The following NAA11 variants were observed in gnomAD, a reference collection of about 807,000 sequenced individuals.
The protein encoded by NAA11 is N-alpha-acetyltransferase 11, NatA catalytic subunit.
In NAA11, 15 loss-of-function variants were observed where a neutral mutation model predicts 16.1. The observed-to-expected ratio is 0.93, with a 90% CI of 0.62 to 1.44. The LOEUF is 1.44. Ranked by LOEUF, NAA11 falls within the 40% of genes most tolerant of loss-of-function variation. The pLI is 0.00. For synonymous variants in NAA11, 122 were observed against 112.4 expected (o/e 1.09, Z -0.54); for missense variants, 298 against 291.3 (o/e 1.02, Z -0.17).
Position 79,325,532 on chromosome 4 carries a change from G to A in NAA11, c.346C>T (p.Arg116Trp), listed in dbSNP as rs1724245603. 3 of 1,614,014 alleles carry A rather than the reference G, an allele frequency of 1.9e-6. No homozygotes were observed. Among genetic ancestry groups the A allele is most frequent in the African/African-American group, 1.3e-5 (1 of 74,920 alleles). Residue 116 changes from arginine to tryptophan, a missense_variant, in exon 1 of 2, where the codon CGG (arginine) becomes TGG (tryptophan). By Grantham distance (101) the Arg-to-Trp change is moderately radical. Transcript: ENST00000286794. ...YVSLHVRKSN[R>W]PALHLYSNTL... ...TTAGAATAAAGGTGCAAGGCTGGCC[G>A]GTTACTCTTCCTGACGTGCAGAGAC...
At chr4:79,314,005 G>A (rs1469535360), downstream of NAA11, among the ~76,000 whole-genome samples, 1 of 152,116 alleles carries the variant, frequency 6.6e-6, no homozygotes, top group Non-Finnish European at 1.5e-5. Context: ...GGCTTGTGCT[G>A]TATACTGCCA....
At chr4:79,265,331 G>A (rs951077096) in intron 2 of NAA11, among the ~76,000 whole-genome samples, 5 of 152,108 alleles carry the variant, frequency 3.3e-5, no homozygotes, top group African/African-American at 4.8e-5. Flanking sequence ...CCTGCAATCT[G>A]TTCACCACAC....
At chr4:79,217,216 G>T in the NAA11 span, among the ~76,000 whole-genome samples, 1 of 152,198 alleles carries the variant, frequency 6.6e-6, no homozygotes, top group African/African-American at 2.4e-5. Flanking sequence ...TTGGGATGCA[G>T]ATCAACTTGT....
chr4:79,184,234 A>C, the NAA11 span, among the ~76,000 whole-genome samples: 1 of 152,234 alleles, frequency 6.6e-6, no homozygotes, highest in Non-Finnish European at 1.5e-5. Flanking sequence ...TGAACCTTGT[A>C]ATGATTTCTT....
intron 2 of NAA11, among the ~76,000 whole-genome samples, chr4:79,228,871 CAT>C (rs1404873608): frequency 1.3e-5 from 2 of 151,974 alleles, no homozygotes; most frequent in African/African-American, 4.8e-5. Context: ...TTTGTTCAAA[CAT>C]GTGAAAAACG....
At chr4:79,248,049 G>A (rs1425393313) in intron 2 of NAA11, among the ~76,000 whole-genome samples, 2 of 152,132 alleles carry the variant, frequency 1.3e-5, no homozygotes, top group Admixed American at 1.3e-4. Context: ...ACAGAGCAGG[G>A]CAATCTTGCC....
chr4:79,216,961 A>G, the NAA11 span, among the ~76,000 whole-genome samples: 1 of 152,224 alleles, frequency 6.6e-6, no homozygotes, highest in Admixed American at 6.5e-5. Context: ...ACCTTACCTC[A>G]TGCTCTCCTC....
At chr4:79,259,756 T>C (rs1393182149) in intron 2 of NAA11, among the ~76,000 whole-genome samples, 1 of 152,228 alleles carries the variant, frequency 6.6e-6, no homozygotes, top group African/African-American at 2.4e-5. Flanking sequence ...CTTTCCCCTT[T>C]CTCATAGTTA....
chr4:79,277,708 C>T (rs1355283919), intron 2 of NAA11, among the ~76,000 whole-genome samples: 1 of 151,978 alleles, frequency 6.6e-6, no homozygotes, highest in East Asian at 1.9e-4. Context: ...CTGACTCCCG[C>T]CAAAGCACTC....
intron 2 of NAA11, among the ~76,000 whole-genome samples, chr4:79,261,962 C>T (rs1165282583): frequency 6.6e-6 from 1 of 152,054 alleles, no homozygotes; most frequent in South Asian, 2.1e-4. Context: ...CCCGATGATA[C>T]CCACTTGCTC....
At chr4:79,300,653 G>A (rs78196094) in intron 1 of NAA11, among the ~76,000 whole-genome samples, 1,765 of 152,282 alleles carry the variant, frequency 0.012, 40 homozygotes, top group African/African-American at 0.04. Flanking sequence ...TAGAGTGAGC[G>A]GTAGGGAGGG....
chr4:79,197,453 T>G, the NAA11 span: 1 of 152,026 alleles, frequency 6.6e-6, no homozygotes, highest in East Asian at 1.9e-4. Context: ...TACTTTCTTA[T>G]GCTTTGACTT....
chr4:79,310,788 T>G (rs989027240), intron 1 of NAA11, among the ~76,000 whole-genome samples: 2 of 152,230 alleles, frequency 1.3e-5, no homozygotes, highest in Admixed American at 1.3e-4. Context: ...TGAAAGTTGC[T>G]TATTACCAGC....
At chr4:79,161,591 A>T in the NAA11 span, among the ~76,000 whole-genome samples, 2 of 152,160 alleles carry the variant, frequency 1.3e-5, no homozygotes, top group African/African-American at 2.4e-5. Context: ...ATTGCATTGA[A>T]TCTGTGGACC....
chr4:79,190,468 T>TA, the NAA11 span, among the ~76,000 whole-genome samples: 17 of 150,112 alleles, frequency 1.1e-4, no homozygotes, highest in Middle Eastern at 3.4e-3. Context: ...TTTTTTTTTT[T>TA]AAAAAAAGCA....
downstream of NAA11, among the ~76,000 whole-genome samples, chr4:79,221,164 G>A (rs1434171912): frequency 6.6e-6 from 1 of 151,864 alleles, no homozygotes; most frequent in East Asian, 1.9e-4. Flanking sequence ...CTCATGATGT[G>A]GCTCTCTGTT....
downstream of NAA11, among the ~76,000 whole-genome samples, chr4:79,314,641 T>TAA (rs375245497): frequency 0.02 from 1,924 of 97,990 alleles, 59 homozygotes; most frequent in East Asian, 0.059. Flanking sequence ...TCCTTAAAAT[T>TAA]AAAAAAAAAA....
the NAA11 span, among the ~76,000 whole-genome samples, chr4:79,190,169 T>A: frequency 6.6e-6 from 1 of 152,124 alleles, no homozygotes; most frequent in African/African-American, 2.4e-5. Context: ...CCACTTCAAA[T>A]GTAATAGAAA....
chr4:79,208,917 A>G, the NAA11 span, among the ~76,000 whole-genome samples: 4 of 92,460 alleles, frequency 4.3e-5, no homozygotes, highest in Non-Finnish European at 7.2e-5. Flanking sequence ...AAAAAATTAT[A>G]TAACTGCCAA....
Sources: allele counts gnomAD v4.1 joint callset (sites outside exome capture counted in the v4.1 genomes callset), GRCh38; gene constraint gnomAD v4.1.1; transcripts MANE v1.5; gene names NCBI Gene and HGNC (gene_info 2026-07-23, HGNC 2026-07-21).